Variants in NUDT4 observed in about 807,000 individuals in gnomAD.
NUDT4 encodes the protein diphosphoinositol polyphosphate phosphohydrolase 2.
In NUDT4, 5 loss-of-function variants were observed where a neutral mutation model predicts 23.1. The ratio of observed to expected loss-of-function variants is 0.22; its 90% CI spans 0.11 to 0.46. The LOEUF is 0.46. Among genes scored for constraint, NUDT4 ranks in the 20% least tolerant of loss-of-function variants. The pLI is 0.99. For synonymous variants in NUDT4, 50 were observed against 79.0 expected, an observed-to-expected ratio of 0.63 and a Z score of 1.95; for missense variants, 96 against 211.6, an observed-to-expected ratio of 0.45 and a Z score of 3.39.
Position 93,395,476 on chromosome 12 carries a change from C to T in NUDT4, c.211-13C>T. 6.3e-7 allele frequency: 1 copy of T among 1,587,896 alleles called. No homozygotes were observed. The highest frequency in any genetic ancestry group is 1.1e-5 in the South Asian group (1 of 90,406). On this transcript the variant is annotated splice_polypyrimidine_tract_variant and intron_variant, in intron 2 of 4. Coordinates refer to ENST00000415493, the MANE Select transcript of NUDT4 (RefSeq NM_019094.6). ...AAAAGGTAAACATTTTATATTTCAT[C>T]TTTTTTTAATAGGCTGGAGTCAAAG...
chr12:93,383,229 C>A (rs12322853), intron 1 of NUDT4, among the ~76,000 whole-genome samples: 2,075 of 152,224 alleles, frequency 0.014, 53 homozygotes, highest in African/African-American at 0.047. Flanking sequence ...ATCTACCAAT[C>A]CCATATAAGT....
At chr12:93,381,054 A>G (rs1875627335) in intron 1 of NUDT4, 1 of 152,180 alleles carries the variant, frequency 6.6e-6, no homozygotes, top group Admixed American at 6.5e-5. Flanking sequence ...TTTAAAACAG[A>G]TTGTTCTAGG....
At chr12:93,388,474 TCAG>T (rs988313834) in intron 1 of NUDT4, among the ~76,000 whole-genome samples, 3 of 152,216 alleles carry the variant, frequency 2.0e-5, no homozygotes, top group African/African-American at 7.2e-5. Context: ...AGGAACAAAA[TCAG>T]CAACTTCTTT....
At chr12:93,398,322 G>C (rs1877079897) in intron 3 of NUDT4, among the ~76,000 whole-genome samples, 2 of 133,374 alleles carry the variant, frequency 1.5e-5, no homozygotes, top group Admixed American at 8.4e-5. Context: ...GGGCAACAAA[G>C]CGAGACTCCC....
chr12:93,385,940 T>TA (rs1565777274), intron 1 of NUDT4, among the ~76,000 whole-genome samples: 9,539 of 71,178 alleles, frequency 0.13, 621 homozygotes, highest in East Asian at 0.29. Flanking sequence ...AGTAAATCTT[T>TA]TTATATATAT....
intron 1 of NUDT4, among the ~76,000 whole-genome samples, chr12:93,381,853 A>G (rs1875684140): frequency 6.6e-6 from 1 of 152,234 alleles, no homozygotes. Context: ...CTTGAGAGTG[A>G]TCTGGCAGCA....
intron 4 of NUDT4, 87 bp downstream of exon 4, chr12:93,398,942 CTGAA>C: frequency 1.0e-6 from 1 of 985,380 alleles, no homozygotes; most frequent in Non-Finnish European, 1.5e-6. Context: ...CTTTTGTTAT[CTGAA>C]TACTCTTTGC....
rs1454333360 is a variant in NUDT4, at chr12:93,407,738, G to A, written c.*8359G>A. On this transcript the variant is annotated 3_prime_UTR_variant, in exon 5 of 5. Coordinates refer to ENST00000415493, the MANE Select transcript of NUDT4 (RefSeq NM_019094.6). ...TGTTTTAACCAGCCACACTGTGTGG[G>A]CCAGGGAAAACAGGCCCAAAGGCCA... The A allele has an allele frequency of 6.6e-6, 1 of 152,178 alleles. No homozygotes were observed. The highest frequency in any genetic ancestry group is 1.5e-5 in the Non-Finnish European group (1 of 68,032). The allele number at this position is 152,178 out of a possible 1,614,324, so 9.4% of individuals were successfully genotyped here. A position where few individuals can be genotyped will look rare whatever the true frequency, so the allele number is the denominator to read the frequency against.
At chr12:93,394,795 C>CG (rs1352189664) in intron 2 of NUDT4, 76 bp downstream of exon 2, 1 of 842,740 alleles carries the variant, frequency 1.2e-6, no homozygotes, top group African/African-American at 1.7e-5. Flanking sequence ...ACTAAGACAG[C>CG]GAGACGGGTC....
At chr12:93,385,944 TATATATA>T (rs1565777322) in intron 1 of NUDT4, among the ~76,000 whole-genome samples, 4 of 45,086 alleles carry the variant, frequency 8.9e-5, no homozygotes, top group South Asian at 5.6e-4. Context: ...AATCTTTTTA[TATATATA>T]TATATATATA....
At chr12:93,379,474 T>A (rs1323399069) in intron 1 of NUDT4, among the ~76,000 whole-genome samples, 1 of 152,242 alleles carries the variant, frequency 6.6e-6, no homozygotes, top group Non-Finnish European at 1.5e-5. Context: ...TTACTGCTAG[T>A]CCCTGTAGTT....
rs1877626097 is a variant in NUDT4 at position 93,403,622 on chromosome 12, CTT to C, written c.*4244_*4245del. 6.6e-6 allele frequency: 1 copy of C among 152,158 alleles called. No individual in the cohort carries two copies. The highest frequency in any genetic ancestry group is 2.4e-5 in the African/African-American group (1 of 41,438). The allele number at this position is 152,158 out of a possible 1,614,324, so 9.4% of individuals were successfully genotyped here. On this transcript the variant is annotated 3_prime_UTR_variant, in exon 5 of 5. Coordinates refer to ENST00000415493, the MANE Select transcript of NUDT4 (RefSeq NM_019094.6). Reference sequence around the variant, plus strand: ...GCGTGAACCACCGCACCTGGCCTATCTTGGTGTTTTTACATCCTTCAGTATTT... The same window carrying C: ...GCGTGAACCACCGCACCTGGCCTATCGGTGTTTTTACATCCTTCAGTATTT...
rs926086709 is a variant in NUDT4 at position 93,405,024 on chromosome 12, G to T, written c.*5645G>T. 2.0e-5 allele frequency: 3 copies of T among 151,834 alleles called. No homozygotes were observed. The highest frequency in any genetic ancestry group is 7.3e-5 in the African/African-American group (3 of 41,298). The allele number at this position is 151,834 out of a possible 1,614,324, so 9.4% of individuals were successfully genotyped here. On this transcript the variant is annotated 3_prime_UTR_variant, in exon 5 of 5. Coordinates refer to ENST00000415493, the MANE Select transcript of NUDT4 (RefSeq NM_019094.6). ...GACAGACCTATGGTCCACAAAGGCC[G>T]AAATATTTACTGTTTTAGGAGAAAA... is the stretch of plus-strand genomic sequence containing the variant.
At position 93,382,674 on chromosome 12, in the gene NUDT4, C is replaced by CTTTTTTTTTTTTTTTTTTTTTT. The variant is rs11315217; in HGVS notation, c.99+4273_99+4274insTTTTTTTTTTTTTTTTTTTTTT. ...AAAATAAGTACTATCCAAAGGTAGC[C>CTTTTTTTTTTTTTTTTTTTTTT]TTTTTTTTTTTTTTTTTTTTGAGAC... On this transcript the variant is annotated intron_variant, in intron 1 of 4. Transcript: ENST00000415493. Among the ~76,000 whole-genome samples the CTTTTTTTTTTTTTTTTTTTTTT allele has an allele frequency of 1.3e-4, 14 of 111,650 alleles. 1 individual carries two copies. The highest frequency in any genetic ancestry group is 9.2e-4 in the South Asian group (3 of 3,262). The allele number at this position is 111,650 out of a possible 152,430, so 73.2% of individuals were successfully genotyped here. A position where few individuals can be genotyped will look rare whatever the true frequency, so the allele number is the denominator to read the frequency against.
rs554444239 is a variant in NUDT4 at position 93,407,397 on chromosome 12, T to C, written c.*8018T>C. 2 of 152,258 alleles carry C rather than the reference T, an allele frequency of 1.3e-5. No individual in the cohort carries two copies. The highest frequency in any genetic ancestry group is 4.1e-4 in the South Asian group (2 of 4,830). The allele number at this position is 152,258 out of a possible 1,614,324, so 9.4% of individuals were successfully genotyped here. Reference sequence around the variant, plus strand: ...TCACCACCTAATCATCCCCAACAACTAGTGGGCAAACATGAAACACTTTTG... The same window carrying C: ...TCACCACCTAATCATCCCCAACAACCAGTGGGCAAACATGAAACACTTTTG... On this transcript the variant is annotated 3_prime_UTR_variant, in exon 5 of 5. Coordinates refer to ENST00000415493, the MANE Select transcript of NUDT4 (RefSeq NM_019094.6).
intron 1 of NUDT4, among the ~76,000 whole-genome samples, chr12:93,392,250 C>CG (rs1405100760): frequency 7.2e-6 from 1 of 138,650 alleles, no homozygotes; most frequent in African/African-American, 2.6e-5. Context: ...GTTTCCCCCC[C>CG]CCCCTTTTTT....
rs1476225100 is a variant in NUDT4, at chr12:93,407,635, A to C, written c.*8256A>C. 1 of 152,214 alleles carries C rather than the reference A, an allele frequency of 6.6e-6. No homozygotes were observed. The highest frequency in any genetic ancestry group is 1.5e-5 in the Non-Finnish European group (1 of 68,036). The allele number at this position is 152,214 out of a possible 1,614,324, so 9.4% of individuals were successfully genotyped here. A position where few individuals can be genotyped will look rare whatever the true frequency, so the allele number is the denominator to read the frequency against. On this transcript the variant is annotated 3_prime_UTR_variant, in exon 5 of 5. Transcript: ENST00000415493. ...AGGTCTACTGTTGCCAGATCTTCAGATCATTCAAAAGTTACCCGAATTCTG... is the reference window on the plus strand; with the variant it reads ...AGGTCTACTGTTGCCAGATCTTCAGCTCATTCAAAAGTTACCCGAATTCTG...
chr12:93,404,924 A>ATTTT lies in NUDT4; in HGVS notation c.*5545_*5546insTTTT, dbSNP rs1446843230. On this transcript the variant is annotated 3_prime_UTR_variant, in exon 5 of 5. Transcript: ENST00000415493. ...TGTTTTAGGTTTTTTTTTTTTTAAAAAAAATACTATGCCCATTTGTTTACA... is the reference window on the plus strand; with the variant it reads ...TGTTTTAGGTTTTTTTTTTTTTAAAATTTTAAAATACTATGCCCATTTGTTTACA... 1.7e-4 allele frequency: 26 copies of ATTTT among 151,454 alleles called. No homozygotes were observed. Among genetic ancestry groups the ATTTT allele is most frequent in the African/African-American group, 5.8e-4 (24 of 41,124 alleles). The allele number at this position is 151,454 out of a possible 1,614,324, so 9.4% of individuals were successfully genotyped here.
At chr12:93,382,960 T>A (rs1364220567) in intron 1 of NUDT4, among the ~76,000 whole-genome samples, 1 of 152,120 alleles carries the variant, frequency 6.6e-6, no homozygotes, top group Non-Finnish European at 1.5e-5. Flanking sequence ...TGCACCCGGC[T>A]TGGAAGCCTT....
Sources: gnomAD v4.1 joint callset for allele counts (sites outside exome capture counted in the v4.1 genomes callset) on GRCh38, gnomAD v4.1.1 for gene constraint, MANE v1.5 for transcripts, NCBI Gene and HGNC (gene_info 2026-07-23, HGNC 2026-07-21) for gene names.